The following LY9 variants were observed in gnomAD, a reference collection of about 807,000 sequenced individuals.
LY9 encodes the protein lymphocyte antigen 9.
A neutral mutation model predicts 64.6 loss-of-function variants in LY9; 59 were observed. The observed-to-expected ratio is 0.91, with a 90% CI of 0.74 to 1.13. LY9 has a LOEUF of 1.13. Ranked by LOEUF, LY9 falls within the 50% of genes most tolerant of loss-of-function variation. The pLI, the probability that LY9 is intolerant of heterozygous loss-of-function variation, is 0.00. For missense variants in LY9, 789 were observed against 797.2 expected, an observed-to-expected ratio of 0.99 and a Z score of 0.12; for synonymous variants, 281 against 308.5, an observed-to-expected ratio of 0.91 and a Z score of 0.93.
intron 7 of LY9, 63 bp downstream of exon 7, chr1:160,819,437 C>T: frequency 7.0e-7 from 1 of 1,423,298 alleles, no homozygotes. Context: ...TAAAGTCTTG[C>T]TGCTCAAAGT....
intron 7 of LY9, among the ~76,000 whole-genome samples, chr1:160,821,652 A>C (rs912971310): frequency 1.3e-5 from 2 of 152,216 alleles, no homozygotes; most frequent in Non-Finnish European, 1.5e-5. Context: ...TTGTCTGTTC[A>C]AAAGGCGATA....
chr1:160,806,756 T>C (rs1352793798), intron 2 of LY9, among the ~76,000 whole-genome samples: 1 of 152,234 alleles, frequency 6.6e-6, no homozygotes, highest in Non-Finnish European at 1.5e-5. Flanking sequence ...TGTATCTGGA[T>C]GTCTAAGAGT....
intron 1 of LY9, among the ~76,000 whole-genome samples, chr1:160,798,230 C>G (rs1465778596): frequency 6.6e-6 from 1 of 152,054 alleles, no homozygotes; most frequent in African/African-American, 2.4e-5. Flanking sequence ...TGCACCCAGT[C>G]AAGACCCAGC....
chr1:160,824,977 C>T (rs150150522), intron 9 of LY9, among the ~76,000 whole-genome samples: 2 of 113,020 alleles, frequency 1.8e-5, no homozygotes, highest in South Asian at 5.9e-4. Context: ...AAGACTCCAT[C>T]TCAAAAAAAA....
At position 160,813,740 on chromosome 1, in the gene LY9, G is replaced by A. The variant is rs1486216581; in HGVS notation, c.559G>A (p.Val187Ile). ...CTCCGTGAAGGGGGCAGAGAAAAGT[G>A]TTCTGTACAGCTGGACCCCAAGGGA... ...MCSVKGAEKS[V>I]LYSWTPREPH... Residue 187 changes from valine (V) to isoleucine (I), a missense_variant, in exon 3 of 10, where the codon GTT becomes ATT. Physicochemically the swap from Val to Ile is conservative, Grantham distance 29 (BLOSUM62 3). Coordinates refer to ENST00000263285, the MANE Select transcript of LY9 (RefSeq NM_002348.4). The A allele has an allele frequency of 6.2e-7, 1 of 1,614,180 alleles. No individual in the cohort carries two copies. Among genetic ancestry groups the A allele is most frequent in the Admixed American group, 1.7e-5 (1 of 60,022 alleles).
chr1:160,827,976 G>T lies in LY9; in HGVS notation c.*160G>T, dbSNP rs1668950457. On this transcript the variant is annotated 3_prime_UTR_variant, in exon 10 of 10. Coordinates refer to ENST00000263285, the MANE Select transcript of LY9 (RefSeq NM_002348.4). ...CCTCCCCCTCCTTCTCACCCTTAAG[G>T]ACTCCCAAACCCATTAATAGTTCAG... 1 of 587,556 alleles carries T rather than the reference G, an allele frequency of 1.7e-6. No homozygotes were observed. 36.4% of individuals were successfully genotyped at this position (587,556 alleles called of 1,614,324 possible). A position where few individuals can be genotyped will look rare whatever the true frequency, so the allele number is the denominator to read the frequency against.
intron 6 of LY9, among the ~76,000 whole-genome samples, chr1:160,818,993 A>C (rs746850686): frequency 6.6e-6 from 1 of 152,176 alleles, no homozygotes; most frequent in Admixed American, 6.5e-5. Context: ...AGCCAAAAAG[A>C]GCAGAATGGG....
In LY9 at chr1:160,813,766, A is replaced by G. The variant is rs866597548; in HGVS notation, c.585A>G (p.Glu195=). The G allele has an allele frequency of 6.2e-7, 1 of 1,614,040 alleles. No homozygotes were observed. The highest frequency in any genetic ancestry group is 8.5e-7 in the Non-Finnish European group (1 of 1,179,996). ...TTCTGTACAGCTGGACCCCAAGGGA[A>G]CCCCATGCTTCTGAGTCCAATGGAG... is the stretch of plus-strand genomic sequence containing the variant. ...KSVLYSWTPR[E]PHASESNGGS... The change falls in exon 3 of 10, where the codon GAA becomes GAG. Residue 195 remains glutamate, a synonymous_variant. Coordinates refer to ENST00000263285, the MANE Select transcript of LY9 (RefSeq NM_002348.4).
intron 2 of LY9, chr1:160,810,497 T>C (rs1667388210): frequency 6.6e-6 from 1 of 152,234 alleles, no homozygotes; most frequent in Non-Finnish European, 1.5e-5. Flanking sequence ...TCATACTGTA[T>C]TAGGGTTCAC....
In LY9 at chr1:160,814,619, G is replaced by T; in HGVS notation, c.930G>T (p.Lys310Asn). ...TCATTAAATCCAGGGATCCTTACAAGAACAGGGTGTGGGTCTCCAGCCAGG... is the reference window on the plus strand; with the variant it reads ...TCATTAAATCCAGGGATCCTTACAATAACAGGGTGTGGGTCTCCAGCCAGG... ...DPLIKSRDPY[K>N]NRVWVSSQDC... is the part of the protein sequence containing the mutation. Residue 310 changes from lysine (K) to asparagine (N), a missense_variant, in exon 4 of 10, where the codon AAG becomes AAT. Lys to Asn is a moderately conservative substitution (Grantham distance 94). Coordinates refer to ENST00000263285, the MANE Select transcript of LY9 (RefSeq NM_002348.4). The T allele has an allele frequency of 1.2e-6, 2 of 1,614,186 alleles. No homozygotes were observed. Among genetic ancestry groups the T allele is most frequent in the Non-Finnish European group, 1.7e-6 (2 of 1,180,034 alleles).
At chr1:160,803,949 G>C (rs1314255314) in intron 2 of LY9, among the ~76,000 whole-genome samples, 1 of 152,176 alleles carries the variant, frequency 6.6e-6, no homozygotes, top group Non-Finnish European at 1.5e-5. Context: ...GGCTGAGGCT[G>C]CAGTGAGTCA....
rs1228387352 is a variant in LY9, at chr1:160,827,964, C to G, written c.*148C>G. 1 of 628,628 alleles carries G rather than the reference C, an allele frequency of 1.6e-6. No homozygotes were observed. Among genetic ancestry groups the G allele is most frequent in the Non-Finnish European group, 2.8e-6 (1 of 356,992 alleles). 38.9% of individuals were successfully genotyped at this position (628,628 alleles called of 1,614,324 possible). Reference sequence around the variant, plus strand: ...CTGGATGTGGCCCCTCCCCCTCCTTCTCACCCTTAAGGACTCCCAAACCCA... The same window carrying G: ...CTGGATGTGGCCCCTCCCCCTCCTTGTCACCCTTAAGGACTCCCAAACCCA... On this transcript the variant is annotated 3_prime_UTR_variant, in exon 10 of 10. Transcript: ENST00000263285.
chr1:160,807,404 C>T (rs796097775), intron 2 of LY9, among the ~76,000 whole-genome samples: 20 of 152,228 alleles, frequency 1.3e-4, no homozygotes, highest in South Asian at 4.1e-4. Context: ...GGTGAAGTTG[C>T]GCTGAGGATT....
In LY9 at chr1:160,816,714, C is replaced by A. The variant is rs150208343; in HGVS notation, c.1193C>A (p.Pro398Gln). The stretch of plus-strand genomic sequence containing the variant: ...AACACTGTCATGTACACATGGACCC[C>A]GCTGCAGAAGGAAGCTGTTGTGTCC... Reference protein sequence around the residue: ...GGNTVMYTWTPLQKEAVVSQG... With the variant: ...GGNTVMYTWTQLQKEAVVSQG... Residue 398 changes from proline (P) to glutamine (Q), a missense_variant, in exon 5 of 10, where the codon CCG becomes CAG. Physicochemically the swap from Pro to Gln is moderately conservative, Grantham distance 76. Coordinates refer to ENST00000263285, the MANE Select transcript of LY9 (RefSeq NM_002348.4). 1 of 1,614,066 alleles carries A rather than the reference C, an allele frequency of 6.2e-7. No individual in the cohort carries two copies. Among genetic ancestry groups the A allele is most frequent in the Non-Finnish European group, 8.5e-7 (1 of 1,180,054 alleles).
chr1:160,824,364 A>G (rs982723346), intron 9 of LY9, 115 bp downstream of exon 9: 22 of 1,516,394 alleles, frequency 1.5e-5, no homozygotes, highest in Admixed American at 1.3e-4. Flanking sequence ...AATTCTACCC[A>G]CTATGCACCC....
At chr1:160,805,919 CTTTTTT>C (rs60244350) in intron 2 of LY9, among the ~76,000 whole-genome samples, 4 of 72,460 alleles carry the variant, frequency 5.5e-5, no homozygotes, top group African/African-American at 1.7e-4. Context: ...CATTCTTTGT[CTTTTTT>C]TTTTTTTTTT....
At chr1:160,807,241 G>A (rs1362782837) in intron 2 of LY9, among the ~76,000 whole-genome samples, 2 of 152,044 alleles carry the variant, frequency 1.3e-5, no homozygotes, top group Admixed American at 6.5e-5. Flanking sequence ...TCCTGAATAT[G>A]TGTCTATTGT....
intron 2 of LY9, among the ~76,000 whole-genome samples, chr1:160,801,343 G>A (rs527904144): frequency 1.3e-5 from 2 of 152,176 alleles, no homozygotes; most frequent in African/African-American, 4.8e-5. Flanking sequence ...ATATCTGTTG[G>A]TCATGTGTAT....
intron 8 of LY9, 68 bp from the exon 9 acceptor site, chr1:160,824,113 G>A (rs1668699614): frequency 6.3e-6 from 10 of 1,592,628 alleles, no homozygotes; most frequent in African/African-American, 1.3e-5. Context: ...CTCTCCTCAA[G>A]GGTTGAGGGT....
Sources: allele counts gnomAD v4.1 joint callset (sites outside exome capture counted in the v4.1 genomes callset), GRCh38; gene constraint gnomAD v4.1.1; transcripts MANE v1.5; gene names NCBI Gene and HGNC (gene_info 2026-07-23, HGNC 2026-07-21).